ROBO2: variants seen among roughly 807,000 people sequenced by gnomAD.
The protein encoded by ROBO2 is roundabout homolog 2.
Under a neutral mutation model 160.8 loss-of-function variants are expected in ROBO2, and 53 were observed. That is an observed-to-expected ratio of 0.33 (90% CI 0.26 to 0.41). ROBO2 has a LOEUF of 0.41. Ranked by LOEUF, ROBO2 falls within the 10% of genes least tolerant of loss-of-function variation. The pLI, the probability that ROBO2 is intolerant of heterozygous loss-of-function variation, is 1.00. For missense variants in ROBO2, 1,577 were observed against 1,722.4 expected, an observed-to-expected ratio of 0.92 and a Z score of 1.49; for synonymous variants, 664 against 611.7, an observed-to-expected ratio of 1.09 and a Z score of -1.26.
intron 2 of ROBO2, among the ~76,000 whole-genome samples, chr3:77,435,104 G>A (rs1045190556): frequency 6.6e-6 from 1 of 151,852 alleles, no homozygotes; most frequent in African/African-American, 2.4e-5. Context: ...AAAAAAGAAG[G>A]CATTAAAGAC....
At chr3:77,000,075 C>T (rs144992103) in intron 2 of ROBO2, among the ~76,000 whole-genome samples, 3 of 152,112 alleles carry the variant, frequency 2.0e-5, no homozygotes, top group South Asian at 2.1e-4. Context: ...CAACCTGAGT[C>T]GAGATGACCT....
chr3:76,831,792 A>T (rs868857940), intron 2 of ROBO2, among the ~76,000 whole-genome samples: 25 of 152,210 alleles, frequency 1.6e-4, no homozygotes, highest in African/African-American at 6.0e-4. Context: ...TATTCATTAG[A>T]CCACATACCT....
rs942463658 is a variant in ROBO2, at chr3:77,478,733, C to A, written c.546+1162C>A. Among the ~76,000 whole-genome samples the A allele has an allele frequency of 2.0e-4, 30 of 152,104 alleles. 1 individual carries two copies. The highest frequency in any genetic ancestry group is 2.9e-5 in the Non-Finnish European group (2 of 68,022). Reference sequence around the variant, plus strand: ...TAAAAAAACTATAAAGTATTGGTATCTATTATCTTAAAAATATGTTTATTA... The same window carrying A: ...TAAAAAAACTATAAAGTATTGGTATATATTATCTTAAAAATATGTTTATTA... On this transcript the variant is annotated intron_variant, in intron 3 of 25. Transcript: ENST00000461745.
At chr3:77,183,717 T>C (rs1396788019) in intron 2 of ROBO2, among the ~76,000 whole-genome samples, 1 of 152,080 alleles carries the variant, frequency 6.6e-6, no homozygotes. Flanking sequence ...GTATTGTTTG[T>C]GTATTTCATC....
At chr3:77,378,321 G>T (rs1051760042) in intron 2 of ROBO2, among the ~76,000 whole-genome samples, 1 of 152,150 alleles carries the variant, frequency 6.6e-6, no homozygotes, top group African/African-American at 2.4e-5. Context: ...AACTCTTTGA[G>T]TTCCTATAAG....
At chr3:77,336,645 T>G (rs754089999) in intron 2 of ROBO2, among the ~76,000 whole-genome samples, 15 of 152,134 alleles carry the variant, frequency 9.9e-5, no homozygotes, top group Non-Finnish European at 1.6e-4. Context: ...ATGAGGGAAC[T>G]AATGAGGGCC....
chr3:76,328,588 C>T (rs1363692516), intron 2 of ROBO2, among the ~76,000 whole-genome samples: 2 of 151,654 alleles, frequency 1.3e-5, no homozygotes, highest in African/African-American at 4.8e-5. Flanking sequence ...TATCCAGGCG[C>T]GGTGGCTCAC....
At chr3:77,237,236 CT>C (rs1225554428) in intron 2 of ROBO2, among the ~76,000 whole-genome samples, 1 of 130,518 alleles carries the variant, frequency 7.7e-6, no homozygotes, top group Non-Finnish European at 1.6e-5. Context: ...GTGTCTTGCT[CT>C]GTCTTCCAGG....
intron 2 of ROBO2, among the ~76,000 whole-genome samples, chr3:76,498,597 A>G (rs2080285130): frequency 6.6e-6 from 1 of 151,898 alleles, no homozygotes; most frequent in Non-Finnish European, 1.5e-5. Context: ...AAAATTTATT[A>G]ATTAAAGAGA....
At chr3:77,047,286 G>A (rs943918006) in intron 1 of ROBO2, among the ~76,000 whole-genome samples, 1 of 152,204 alleles carries the variant, frequency 6.6e-6, no homozygotes, top group African/African-American at 2.4e-5. Context: ...GTATGAACAA[G>A]TAATTTAACC....
At chr3:77,458,046 C>G (rs1300297943) in intron 2 of ROBO2, among the ~76,000 whole-genome samples, 1 of 151,992 alleles carries the variant, frequency 6.6e-6, no homozygotes, top group Non-Finnish European at 1.5e-5. Flanking sequence ...TGCTAAATGC[C>G]AAAAAACTAT....
At chr3:77,367,772 G>C (rs2071130950) in intron 2 of ROBO2, among the ~76,000 whole-genome samples, 1 of 152,074 alleles carries the variant, frequency 6.6e-6, no homozygotes, top group Non-Finnish European at 1.5e-5. Context: ...ATGGGATTCT[G>C]CTATAATGTT....
intron 2 of ROBO2, among the ~76,000 whole-genome samples, chr3:75,945,415 T>C (rs1948242740): frequency 6.6e-6 from 1 of 152,084 alleles, no homozygotes; most frequent in Non-Finnish European, 1.5e-5. Flanking sequence ...AGTAACAGAA[T>C]AGAGGCGAAG....
Position 77,635,142 on chromosome 3 carries a change from T to G in ROBO2, c.3934+99T>G. The G allele has an allele frequency of 3.7e-6, 5 of 1,341,964 alleles. No homozygotes were observed. In the South Asian group the frequency reaches 6.3e-5, roughly 17 times the overall value. The allele number at this position is 1,341,964 out of a possible 1,614,324, so 83.1% of individuals were successfully genotyped here. On this transcript the variant is annotated intron_variant, in intron 24 of 25. Coordinates refer to ENST00000461745, the Ensembl canonical transcript of ROBO2. ...GTAGTCATGGTAGATTAGCCATTGC[T>G]TCATTACATAACAAGACAAAAACCT...
At chr3:76,091,253 A>G (rs941505300) in intron 2 of ROBO2, among the ~76,000 whole-genome samples, 1 of 152,190 alleles carries the variant, frequency 6.6e-6, no homozygotes, top group African/African-American at 2.4e-5. Context: ...AAATAACTCA[A>G]TTAAAAAATG....
chr3:76,464,940 GTGTC>G (rs1325341730), intron 2 of ROBO2, among the ~76,000 whole-genome samples: 1 of 151,840 alleles, frequency 6.6e-6, no homozygotes, highest in East Asian at 1.9e-4. Flanking sequence ...ATCTTTATGA[GTGTC>G]TGTAATTTTA....
intron 2 of ROBO2, among the ~76,000 whole-genome samples, chr3:76,086,217 T>C (rs9847106): frequency 0.82 from 124,953 of 152,060 alleles, 51,674 homozygotes; most frequent in East Asian, 0.93. Context: ...TCTTTCTTCA[T>C]GTGGTGGCAG....
At chr3:77,155,990 A>G (rs1039796276) in intron 2 of ROBO2, among the ~76,000 whole-genome samples, 3 of 151,858 alleles carry the variant, frequency 2.0e-5, no homozygotes, top group Admixed American at 6.6e-5. Context: ...ATCTGTGGTC[A>G]TTGCTTTTAT....
chr3:76,163,130 GT>G (rs1244905699), intron 2 of ROBO2, among the ~76,000 whole-genome samples: 1 of 151,922 alleles, frequency 6.6e-6, no homozygotes, highest in Non-Finnish European at 1.5e-5. Flanking sequence ...GTTTTATCAT[GT>G]TTATCATTGT....
Sources: allele counts gnomAD v4.1 joint callset (sites outside exome capture counted in the v4.1 genomes callset), GRCh38; gene constraint gnomAD v4.1.1; transcripts MANE v1.5; gene names NCBI Gene and HGNC (gene_info 2026-07-23, HGNC 2026-07-21).